The following MTMR11 variants were observed in gnomAD, a reference collection of about 807,000 sequenced individuals.
MTMR11 encodes the protein myotubularin-related protein 11.
MTMR11 carries 89 observed loss-of-function variants against 100.0 expected under a neutral mutation model. The observed-to-expected ratio is 0.89, with a 90% CI of 0.75 to 1.06. The LOEUF is 1.06. Among genes scored for constraint, MTMR11 ranks in the 50% least tolerant of loss-of-function variants. The pLI is 0.00. For missense variants in MTMR11, 809 were observed against 873.7 expected (o/e 0.93, Z 0.93); for synonymous variants, 336 against 326.3 (o/e 1.03, Z -0.32).
At chr1:149,931,151 C>G in intron 13 of MTMR11, 109 bp downstream of exon 13, 1 of 1,492,280 alleles carries the variant, frequency 6.7e-7, no homozygotes, top group South Asian at 1.3e-5. Context: ...CCAGCCTAAC[C>G]TCGGGGCCCT....
At position 149,929,808 on chromosome 1, in the gene MTMR11, C is replaced by T. The variant is rs2092632751; in HGVS notation, c.1756G>A (p.Ala586Thr). Residue 586 changes from alanine (A) to threonine (T), a missense_variant, in exon 16 of 17, where the codon GCA becomes ACA. Ala to Thr is a moderately conservative substitution (Grantham distance 58). Transcript: ENST00000439741. Reference sequence around the variant, plus strand: ...CGAGGGAGCCAACGAGAAGAGACTGCCAGCAGGGAAGGACTGTCCCGCCAA... The same window carrying T: ...CGAGGGAGCCAACGAGAAGAGACTGTCAGCAGGGAAGGACTGTCCCGCCAA... ...CPWRDSPSLL[A>T]VSSRWLPRPA... is the part of the protein sequence containing the mutation. The T allele has an allele frequency of 1.2e-6, 2 of 1,614,068 alleles. No homozygotes were observed. Among genetic ancestry groups the T allele is most frequent in the Non-Finnish European group, 1.7e-6 (2 of 1,180,030 alleles).
chr1:149,934,764 C>G (rs1468576774), intron 5 of MTMR11, among the ~76,000 whole-genome samples: 1 of 152,234 alleles, frequency 6.6e-6, no homozygotes, highest in Non-Finnish European at 1.5e-5. Flanking sequence ...GAGGAGGAAA[C>G]TTGCCCACAG....
In MTMR11 at chr1:149,933,902, TG is replaced by T; in HGVS notation, c.723del (p.Asp241GlufsTer51). On this transcript the variant is annotated frameshift_variant, in exon 8 of 17. Coordinates refer to ENST00000439741, the MANE Select transcript of MTMR11 (RefSeq NM_001145862.2). LOFTEE classifies it high-confidence loss of function. ...RYFWVPNRIL[D>X]SEVRRAFGHF... The stretch of plus-strand genomic sequence containing the variant: ...TGGCCAAATGCTCTCCTGACCTCAC[TG>T]TCCAGAATTCGGTTAGGGACCCAGA... The T allele has an allele frequency of 6.2e-7, 1 of 1,614,242 alleles. No homozygotes were observed. Among genetic ancestry groups the T allele is most frequent in the South Asian group, 1.1e-5 (1 of 91,084 alleles).
At position 149,934,494 on chromosome 1, in the gene MTMR11, C is replaced by G; in HGVS notation, c.501G>C (p.Gln167His). 1 of 1,614,224 alleles carries G rather than the reference C, an allele frequency of 6.2e-7. No homozygotes were observed. The highest frequency in any genetic ancestry group is 1.1e-5 in the South Asian group (1 of 91,078). ...VTMAIVQARA[Q>H]SNQAQQYSGI... ...CCGAATACTGTTGGGCTTGATTGCT[C>G]TGAGCTCTGGCTTGGACAATGGCCA... Residue 167 changes from glutamine to histidine, a missense_variant, in exon 6 of 17, where the codon CAG becomes CAC. Coordinates refer to ENST00000439741, the MANE Select transcript of MTMR11 (RefSeq NM_001145862.2).
At position 149,936,727 on chromosome 1, in the gene MTMR11, G is replaced by A; in HGVS notation, c.-80C>T. On this transcript the variant is annotated 5_prime_UTR_variant, in exon 1 of 17. Transcript: ENST00000439741. ...CTCACCCACCTCGGGGAGAGGCTGA[G>A]TCTTGTTGAGAAGAGGGGTGTTAGG... 2 of 954,040 alleles carry A rather than the reference G, an allele frequency of 2.1e-6. No individual in the cohort carries two copies. Among genetic ancestry groups the A allele is most frequent in the Non-Finnish European group, 3.3e-6 (2 of 605,700 alleles). The allele number at this position is 954,040 out of a possible 1,614,324, so 59.1% of individuals were successfully genotyped here. A position where few individuals can be genotyped will look rare whatever the true frequency, so the allele number is the denominator to read the frequency against.
At position 149,933,627 on chromosome 1, in the gene MTMR11, A is replaced by C; in HGVS notation, c.843T>G (p.Pro281=). 1 of 1,614,134 alleles carries C rather than the reference A, an allele frequency of 6.2e-7. No individual in the cohort carries two copies. Among genetic ancestry groups the C allele is most frequent in the Non-Finnish European group, 8.5e-7 (1 of 1,179,994 alleles). Residue 281 remains proline, a synonymous_variant, in exon 9 of 17, where the codon CCT becomes CCG. Transcript: ENST00000439741. ...RCGGFYTASD[P]NKEDIRAVEL... is the part of the protein sequence containing the mutation. ...TCCCTCACCTGATATCCTCCTTGTT[A>C]GGGTCACTGGCTGTATAGAAGCCTC...
At position 149,930,427 on chromosome 1, in the gene MTMR11, G is replaced by A. The variant is rs1553767253; in HGVS notation, c.1585C>T (p.Gln529Ter). 3.1e-6 allele frequency: 5 copies of A among 1,614,028 alleles called. No homozygotes were observed. The highest frequency in any genetic ancestry group is 4.2e-6 in the Non-Finnish European group (5 of 1,179,916). The change falls in exon 15 of 17, where the codon CAA becomes TAA. Residue 529 changes from glutamine (Q) to a stop codon, truncating the protein, a stop_gained. Coordinates refer to ENST00000439741, the MANE Select transcript of MTMR11 (RefSeq NM_001145862.2). LOFTEE classifies it high-confidence loss of function. Reference sequence around the variant, plus strand: ...GGGTCATAGCCAGGATTCTGGAATTGTAGTATCTGTGCATTGCTATAACGT... The same window carrying A: ...GGGTCATAGCCAGGATTCTGGAATTATAGTATCTGTGCATTGCTATAACGT... ...DLRYSNAQIL[Q>*]FQNPGYDPEH... is the part of the protein sequence containing the mutation.
Position 149,929,229 on chromosome 1 carries a change from G to A in MTMR11, c.2030C>T (p.Ser677Phe). The change falls in exon 17 of 17, where the codon TCT becomes TTT. Residue 677 changes from serine to phenylalanine, a missense_variant. Ser to Phe is a radical substitution (Grantham distance 155, BLOSUM62 -2). Transcript: ENST00000439741. The stretch of plus-strand genomic sequence containing the variant: ...TCTTTTCTTGGAGTGATCCTCAGGA[G>A]ATATTCTTGGTGTCCATTTCCGTAA... ...ELLRKWTPRI[S>F]PEDHSKKRDP... 6.2e-7 allele frequency: 1 copy of A among 1,614,086 alleles called. No individual in the cohort carries two copies.
chr1:149,934,935 G>A (rs782820508), intron 5 of MTMR11, 51 bp downstream of exon 5: 1 of 1,585,900 alleles, frequency 6.3e-7, no homozygotes, highest in East Asian at 2.2e-5. Context: ...TCAGGGAGAG[G>A]ATCCCAAGGT....
At chr1:149,929,515 C>A in intron 16 of MTMR11, 108 bp downstream of exon 16, 1 of 1,378,518 alleles carries the variant, frequency 7.3e-7, no homozygotes. Flanking sequence ...TAGAACTTCA[C>A]TTCCCAGACT....
Position 149,929,747 on chromosome 1 carries a change from T to C in MTMR11, c.1817A>G (p.Glu606Gly). ...TCCCCAATGTGAGGGGAGACCCCAT[T>C]CCTGGTCAGCCAGGCTTTCAGAGGA... is the stretch of plus-strand genomic sequence containing the variant. ...AISSESLADQ[E>G]WGLPSHWGAC... The change falls in exon 16 of 17, where the codon GAA becomes GGA. Residue 606 changes from glutamate (E) to glycine (G), a missense_variant. By Grantham distance (98) the Glu-to-Gly change is moderately conservative (BLOSUM62 -2). Transcript: ENST00000439741. 6.2e-7 allele frequency: 1 copy of C among 1,614,060 alleles called. No individual in the cohort carries two copies. Among genetic ancestry groups the C allele is most frequent in the African/African-American group, 1.3e-5 (1 of 74,980 alleles).
Position 149,935,686 on chromosome 1 carries a change from C to G in MTMR11, c.162G>C (p.Trp54Cys). Residue 54 changes from tryptophan to cysteine, a missense_variant, in exon 3 of 17, where the codon TGG (tryptophan) becomes TGC (cysteine). Coordinates refer to ENST00000439741, the MANE Select transcript of MTMR11 (RefSeq NM_001145862.2). ...CCAGGCCCTTCCTCACCCCTGGGGCCCATGCTAGGATCTGCTCCCCTAAAG... is the reference window on the plus strand; with the variant it reads ...CCAGGCCCTTCCTCACCCCTGGGGCGCATGCTAGGATCTGCTCCCCTAAAG... The part of the protein sequence containing the change: ...RCLPGEQILA[W>C]APGVRKGLEP... 1 of 1,610,346 alleles carries G rather than the reference C, an allele frequency of 6.2e-7. No homozygotes were observed.
intron 9 of MTMR11, 35 bp downstream of exon 9, chr1:149,933,575 C>T: frequency 6.2e-7 from 1 of 1,614,132 alleles, no homozygotes; most frequent in East Asian, 2.2e-5. Flanking sequence ...CCCTGAGCAC[C>T]TAACCCTTGA....
chr1:149,928,714 G>A lies in MTMR11; in HGVS notation c.*415C>T, dbSNP rs587621173. ...GAAATTCCACTACAAAAATACAGAG[G>A]AGATAGGGTGTTTCCTGTATCCGCC... On this transcript the variant is annotated 3_prime_UTR_variant, in exon 17 of 17. Transcript: ENST00000439741. The A allele has an allele frequency of 3.5e-5, 24 of 695,276 alleles. No individual in the cohort carries two copies. In the South Asian group the frequency reaches 4.0e-4, roughly 12 times the overall value. 43.1% of individuals were successfully genotyped at this position (695,276 alleles called of 1,614,324 possible).
chr1:149,930,149 A>C (rs1161513206), intron 15 of MTMR11: 1 of 679,300 alleles, frequency 1.5e-6, no homozygotes, highest in African/African-American at 1.8e-5. Context: ...GAAGATGAGT[A>C]AACAGACTTG....
chr1:149,934,007 A>G, intron 7 of MTMR11, 65 bp from the exon 8 acceptor site: 6 of 1,554,738 alleles, frequency 3.9e-6, no homozygotes, highest in Admixed American at 1.7e-5. Context: ...AGCTCTTATT[A>G]CAAGGAAGCT....
chr1:149,929,233 T>C lies in MTMR11; in HGVS notation c.2026A>G (p.Ile676Val), dbSNP rs1020697468. The change falls in exon 17 of 17, where the codon ATA (isoleucine) becomes GTA (valine). Residue 676 changes from isoleucine (I) to valine (V), a missense_variant. Physicochemically the swap from Ile to Val is conservative, Grantham distance 29. Coordinates refer to ENST00000439741, the MANE Select transcript of MTMR11 (RefSeq NM_001145862.2). ...QELLRKWTPR[I>V]SPEDHSKKRD... The stretch of plus-strand genomic sequence containing the variant: ...TTCTTGGAGTGATCCTCAGGAGATA[T>C]TCTTGGTGTCCATTTCCGTAATAAC... 7 of 1,614,162 alleles carry C rather than the reference T, an allele frequency of 4.3e-6. No individual in the cohort carries two copies. The highest frequency in any genetic ancestry group is 2.2e-5 in the East Asian group (1 of 44,886).
chr1:149,931,415 G>A lies in MTMR11; in HGVS notation c.1135C>T (p.Arg379Cys), dbSNP rs782430686. 1.1e-5 allele frequency: 18 copies of A among 1,604,046 alleles called. No individual in the cohort carries two copies. The highest frequency in any genetic ancestry group is 8.1e-5 in the African/African-American group (6 of 74,490). Reference sequence around the variant, plus strand: ...GAAGAGAGGAGGCCATTGAGATCACGATCACCGCGCTCTGGGTGATAAAGA... The same window carrying A: ...GAAGAGAGGAGGCCATTGAGATCACAATCACCGCGCTCTGGGTGATAAAGA... ...RSVILQERGD[R>C]DLNGLLSSLV... Residue 379 changes from arginine (R) to cysteine (C), a missense_variant, in exon 13 of 17, where the codon CGT (arginine) becomes TGT (cysteine). Physicochemically the swap from Arg to Cys is radical, Grantham distance 180. Coordinates refer to ENST00000439741, the MANE Select transcript of MTMR11 (RefSeq NM_001145862.2).
intron 16 of MTMR11, 83 bp downstream of exon 16, chr1:149,929,540 C>T (rs1470967548): frequency 6.7e-7 from 1 of 1,482,260 alleles, no homozygotes; most frequent in Non-Finnish European, 9.1e-7. Flanking sequence ...GAGGCTTCAG[C>T]TCCTTGCCTT....
Sources: allele counts gnomAD v4.1 joint callset (sites outside exome capture counted in the v4.1 genomes callset), GRCh38; gene constraint gnomAD v4.1.1; transcripts MANE v1.5; gene names NCBI Gene and HGNC (gene_info 2026-07-23, HGNC 2026-07-21).